The following FGGY variants were observed in gnomAD, a reference collection of about 807,000 sequenced individuals.
The protein encoded by FGGY is FGGY carbohydrate kinase domain-containing protein.
Under a neutral mutation model 71.3 loss-of-function variants are expected in FGGY, and 72 were observed. The observed-to-expected ratio is 1.01, with a 90% CI of 0.84 to 1.23. The LOEUF (loss-of-function observed/expected upper bound fraction) is 1.23, where lower values mean the gene tolerates loss of function less well. Among genes scored for constraint, FGGY ranks in the 50% most tolerant of loss-of-function variants. The probability of loss-of-function intolerance (pLI) is 0.00; values close to 1 mark genes in which losing one functional copy is unlikely to be tolerated. For synonymous variants in FGGY, 251 were observed against 250.3 expected (o/e 1.00, Z -0.02); for missense variants, 668 against 682.3 (o/e 0.98, Z 0.23).
intron 4 of FGGY, among the ~76,000 whole-genome samples, chr1:59,361,762 G>A (rs1317777261): frequency 6.6e-6 from 1 of 152,192 alleles, no homozygotes; most frequent in Non-Finnish European, 1.5e-5. Context: ...GAGAACTCCG[G>A]AGAAGATGAG....
rs190498030 is a variant in FGGY, at chr1:59,699,404, G to C, written c.1512+25271G>C. 7.1e-6 allele frequency: 7 copies of C among 985,330 alleles called. No individual in the cohort carries two copies. The African/African-American group carries it at 8.7e-5, about 12-fold the overall frequency. 61.0% of individuals were successfully genotyped at this position (985,330 alleles called of 1,614,324 possible). A position where few individuals can be genotyped will look rare whatever the true frequency, so the allele number is the denominator to read the frequency against. ...GTACTTTTTCTTTTTGACGGTTCAG[G>C]CTTCTGTTAGTTTTGCAATAGTGAC... is the stretch of plus-strand genomic sequence containing the variant. On this transcript the variant is annotated intron_variant, in intron 14 of 15. Coordinates refer to ENST00000303721, the MANE Select transcript of FGGY (RefSeq NM_018291.5).
intron 5 of FGGY, among the ~76,000 whole-genome samples, chr1:59,418,014 T>C (rs1364014262): frequency 1.3e-5 from 2 of 152,164 alleles, no homozygotes; most frequent in Non-Finnish European, 2.9e-5. Context: ...CCATGATTGA[T>C]CACTTATAGC....
rs189191271 is a variant in FGGY at position 59,576,185 on chromosome 1, G to A, written c.903+21958G>A. Among the ~76,000 whole-genome samples the A allele has an allele frequency of 1.1e-4, 16 of 152,250 alleles. No individual in the cohort carries two copies. In the East Asian group the frequency reaches 2.7e-3, roughly 26 times the overall value. ...CAATGATAGACTGGATAAGGAAAAT[G>A]TGGCACATATTTACCATGGAATACT... is the stretch of plus-strand genomic sequence containing the variant. On this transcript the variant is annotated intron_variant, in intron 8 of 15. Transcript: ENST00000303721.
At chr1:59,443,135 A>G (rs2070356290) in intron 5 of FGGY, among the ~76,000 whole-genome samples, 1 of 152,208 alleles carries the variant, frequency 6.6e-6, no homozygotes, top group Non-Finnish European at 1.5e-5. Context: ...AGTATAGTAT[A>G]GTTATTACTG....
At chr1:59,417,986 A>T (rs2064763347) in intron 5 of FGGY, among the ~76,000 whole-genome samples, 1 of 152,218 alleles carries the variant, frequency 6.6e-6, no homozygotes, top group Non-Finnish European at 1.5e-5. Context: ...TCTGTTGGAC[A>T]GCACTGGCTT....
At chr1:59,367,754 C>T (rs774048935) in intron 4 of FGGY, among the ~76,000 whole-genome samples, 1 of 152,180 alleles carries the variant, frequency 6.6e-6, no homozygotes, top group Admixed American at 6.5e-5. Flanking sequence ...AAAGCTACTT[C>T]TCTCTGTCCT....
At chr1:59,629,223 A>T (rs1175638476) in intron 10 of FGGY, among the ~76,000 whole-genome samples, 1 of 147,638 alleles carries the variant, frequency 6.8e-6, no homozygotes, top group African/African-American at 2.7e-5. Flanking sequence ...AAATGAATAA[A>T]TAATAAATAA....
intron 14 of FGGY, among the ~76,000 whole-genome samples, chr1:59,744,872 CATTT>C (rs1406796679): frequency 2.0e-5 from 3 of 152,230 alleles, no homozygotes; most frequent in African/African-American, 7.2e-5. Flanking sequence ...AGAAAACAGA[CATTT>C]ATCCTACTGT....
At chr1:59,556,667 C>G (rs1049390038) in intron 8 of FGGY, among the ~76,000 whole-genome samples, 2 of 152,202 alleles carry the variant, frequency 1.3e-5, no homozygotes, top group Non-Finnish European at 2.9e-5. Flanking sequence ...CTTAACTTCT[C>G]TAAGCTTCAG....
At chr1:59,314,019 T>C (rs1471516139) in intron 1 of FGGY, among the ~76,000 whole-genome samples, 1 of 151,658 alleles carries the variant, frequency 6.6e-6, no homozygotes, top group Non-Finnish European at 1.5e-5. Flanking sequence ...CAGGCTAGAG[T>C]GCGGTAGCGC....
At chr1:59,484,106 A>T (rs2093588104) in intron 6 of FGGY, among the ~76,000 whole-genome samples, 1 of 152,160 alleles carries the variant, frequency 6.6e-6, no homozygotes, top group Admixed American at 6.6e-5. Context: ...AGATATGGAA[A>T]TTGAAGCTCA....
At chr1:59,304,986 T>C (rs538853523) in intron 1 of FGGY, among the ~76,000 whole-genome samples, 89 of 152,292 alleles carry the variant, frequency 5.8e-4, no homozygotes, top group African/African-American at 2.1e-3. Flanking sequence ...TTTCTATATA[T>C]AATATCATGT....
At chr1:59,592,801 G>C (rs1367302341) in intron 8 of FGGY, among the ~76,000 whole-genome samples, 1 of 136,852 alleles carries the variant, frequency 7.3e-6, no homozygotes, top group African/African-American at 3.0e-5. Flanking sequence ...GGGGGGACGG[G>C]GGAGGGATAG....
chr1:59,345,456 T>C (rs1424090612), intron 3 of FGGY, among the ~76,000 whole-genome samples: 1 of 152,040 alleles, frequency 6.6e-6, no homozygotes. Flanking sequence ...TACAGGGTGG[T>C]AAGGCAGGAT....
chr1:59,685,312 C>A (rs1393097676), intron 14 of FGGY, among the ~76,000 whole-genome samples: 1 of 152,000 alleles, frequency 6.6e-6, no homozygotes, highest in Non-Finnish European at 1.5e-5. Context: ...GTAGAGCAGG[C>A]ACAAGTGACT....
At chr1:59,490,419 G>A (rs2093793249) in intron 6 of FGGY, among the ~76,000 whole-genome samples, 1 of 152,000 alleles carries the variant, frequency 6.6e-6, no homozygotes, top group African/African-American at 2.4e-5. Flanking sequence ...GGATATTAAT[G>A]TCTTGACCAA....
chr1:59,500,540 GGGATTTTAAGT>G (rs766582229), intron 6 of FGGY, among the ~76,000 whole-genome samples: 1 of 151,916 alleles, frequency 6.6e-6, no homozygotes. Flanking sequence ...ACTGAATTCA[GGGATTTTAAGT>G]GCCTTTTTTG....
intron 5 of FGGY, among the ~76,000 whole-genome samples, chr1:59,454,909 T>C (rs761943064): frequency 7.2e-5 from 11 of 152,222 alleles, no homozygotes; most frequent in Non-Finnish European, 1.5e-4. Context: ...AGTGAATGCA[T>C]GAATCTATGT....
At chr1:59,638,055 C>A (rs1322184852) in intron 10 of FGGY, among the ~76,000 whole-genome samples, 173 bp from the exon 11 acceptor site, 1 of 152,146 alleles carries the variant, frequency 6.6e-6, no homozygotes, top group Non-Finnish European at 1.5e-5. Flanking sequence ...GATGTGGCAC[C>A]TTTCTTGGTG....
Sources: allele counts gnomAD v4.1 joint callset (sites outside exome capture counted in the v4.1 genomes callset), GRCh38; gene constraint gnomAD v4.1.1; transcripts MANE v1.5; gene names NCBI Gene and HGNC (gene_info 2026-07-23, HGNC 2026-07-21).